The following TAB1 variants were observed in gnomAD, a reference collection of about 807,000 sequenced individuals.
TAB1 encodes the protein TGF-beta-activated kinase 1 and MAP3K7-binding protein 1.
TAB1 carries 30 observed loss-of-function variants against 54.5 expected under a neutral mutation model. That is an observed-to-expected ratio of 0.55 (90% confidence interval 0.41 to 0.75). The LOEUF (loss-of-function observed/expected upper bound fraction) is 0.75, where lower values mean the gene tolerates loss of function less well. TAB1 is among the 30% of genes least tolerant of loss of function. The pLI is 0.00. For missense variants in TAB1, 609 were observed against 683.2 expected, an observed-to-expected ratio of 0.89 and a Z score of 1.21; for synonymous variants, 289 against 286.9, an observed-to-expected ratio of 1.01 and a Z score of -0.07.
downstream of TAB1, chr22:39,433,639 GA>G (rs996040152): frequency 2.7e-5 from 27 of 985,408 alleles, no homozygotes; most frequent in African/African-American, 4.2e-4. Context: ...ATTCTCTCAT[GA>G]GCTGGGAGCT....
At chr22:39,428,210 C>T in intron 10 of TAB1, 27 bp downstream of exon 10, 1 of 1,511,020 alleles carries the variant, frequency 6.6e-7, no homozygotes. Flanking sequence ...CTGAGCCACC[C>T]CCAGCCCTGT....
chr22:39,412,989 A>G (rs1926672592), intron 1 of TAB1, among the ~76,000 whole-genome samples: 1 of 141,348 alleles, frequency 7.1e-6, no homozygotes. Flanking sequence ...ATCTCGGCTC[A>G]CTGCAAGCTC....
chr22:39,407,047 C>T (rs552274250), intron 1 of TAB1, among the ~76,000 whole-genome samples: 57 of 152,224 alleles, frequency 3.7e-4, no homozygotes, highest in African/African-American at 1.2e-3. Context: ...TCAAAACTTT[C>T]GACAGTCTGG....
chr22:39,402,597 G>C (rs904372339), intron 1 of TAB1, among the ~76,000 whole-genome samples: 11 of 152,180 alleles, frequency 7.2e-5, no homozygotes, highest in African/African-American at 2.7e-4. Flanking sequence ...CTGTCACCCA[G>C]ACTGGAGTGA....
chr22:39,436,773 G>A, downstream of TAB1: 3 of 588,536 alleles, frequency 5.1e-6, no homozygotes, highest in South Asian at 6.1e-5. Context: ...TCAGGACCCA[G>A]CTCACTCTCA....
At chr22:39,436,378 T>A (rs118126131), downstream of TAB1, 2,093 of 791,994 alleles carry the variant, frequency 2.6e-3, 67 homozygotes, top group East Asian at 0.047. Flanking sequence ...GGCAAAGAGT[T>A]GGTATCCGTG....
In TAB1 at chr22:39,426,722, A is replaced by G; in HGVS notation, c.941A>G (p.Asp314Gly). ...QANQEIAAMIDTEFAKQTSLD... is the reference protein window; with the variant it reads ...QANQEIAAMIGTEFAKQTSLD... ...CCCCAGGAGATTGCTGCGATGATTG[A>G]CACTGAGTTTGCCAAGCAGACCTCC... The change falls in exon 9 of 11, where the codon GAC becomes GGC. Residue 314 changes from aspartate to glycine, a missense_variant. By Grantham distance (94) the Asp-to-Gly change is moderately conservative (BLOSUM62 -1). Transcript: ENST00000216160. 6.2e-7 allele frequency: 1 copy of G among 1,606,344 alleles called. No homozygotes were observed. Among genetic ancestry groups the G allele is most frequent in the South Asian group, 1.1e-5 (1 of 90,878 alleles).
intron 5 of TAB1, among the ~76,000 whole-genome samples, chr22:39,418,385 A>G (rs771031751): frequency 2.6e-5 from 4 of 152,204 alleles, no homozygotes; most frequent in Non-Finnish European, 4.4e-5. Flanking sequence ...CCCCAATCCC[A>G]GCAGTTATCA....
At chr22:39,404,534 C>T (rs1003123885) in intron 1 of TAB1, among the ~76,000 whole-genome samples, 15 of 150,204 alleles carry the variant, frequency 1.0e-4, no homozygotes, top group Admixed American at 3.3e-4. Context: ...CCTCACTGCA[C>T]TCCAGGCTGG....
intron 1 of TAB1, among the ~76,000 whole-genome samples, chr22:39,406,892 C>T (rs1036949676): frequency 6.6e-6 from 1 of 152,198 alleles, no homozygotes; most frequent in African/African-American, 2.4e-5. Context: ...CTTGGCCTCC[C>T]AAAGTGCTGG....
intron 1 of TAB1, among the ~76,000 whole-genome samples, chr22:39,403,462 G>T (rs79766902): frequency 3.3e-5 from 5 of 152,158 alleles, no homozygotes; most frequent in Non-Finnish European, 5.9e-5. Flanking sequence ...CAGCTGGGTG[G>T]AGTGCCTTGG....
chr22:39,417,358 C>T (rs35214117), intron 4 of TAB1, among the ~76,000 whole-genome samples: 7 of 152,342 alleles, frequency 4.6e-5, no homozygotes, highest in Non-Finnish European at 8.8e-5. Flanking sequence ...TGGTGGCTCA[C>T]GCCTGTAATC....
chr22:39,435,011 G>A (rs1419133612), downstream of TAB1, among the ~76,000 whole-genome samples: 3 of 152,144 alleles, frequency 2.0e-5, no homozygotes, highest in Non-Finnish European at 2.9e-5. Context: ...GTAGCTCAGG[G>A]CCAGCCCCTG....
chr22:39,433,865 C>T, downstream of TAB1: 1 of 974,020 alleles, frequency 1.0e-6, no homozygotes, highest in Non-Finnish European at 1.2e-6. Flanking sequence ...GGAAAGAGCC[C>T]TTCCCTGGCC....
chr22:39,399,916 C>G (rs772252321), intron 1 of TAB1, 81 bp downstream of exon 1: 1 of 1,475,668 alleles, frequency 6.8e-7, no homozygotes, highest in East Asian at 2.5e-5. Flanking sequence ...GGCTCCTTCT[C>G]CGAGTTTGGA....
intron 10 of TAB1, among the ~76,000 whole-genome samples, chr22:39,428,824 A>G (rs1927462629): frequency 6.6e-6 from 1 of 152,260 alleles, no homozygotes; most frequent in Non-Finnish European, 1.5e-5. Flanking sequence ...GATGTGGCCA[A>G]TTAGAAAGGC....
rs765405513 is a variant in TAB1 at position 39,428,189 on chromosome 22, T to G, written c.1307+6T>G. On this transcript the variant is annotated splice_donor_region_variant and intron_variant, in intron 10 of 10. Coordinates refer to ENST00000216160, the MANE Select transcript of TAB1 (RefSeq NM_006116.3). The stretch of plus-strand genomic sequence containing the variant: ...GCCACCCCCACCCTCACCAAGTAAG[T>G]CCCTTCCCCACTGAGCCACCCCCAG... The G allele has an allele frequency of 2.5e-6, 4 of 1,588,670 alleles. No individual in the cohort carries two copies. The highest frequency in any genetic ancestry group is 3.4e-6 in the Non-Finnish European group (4 of 1,162,602).
rs759891196 is a variant in TAB1 at position 39,415,623 on chromosome 22, C to T, written c.294C>T (p.Ala98=). The T allele has an allele frequency of 5.0e-6, 8 of 1,612,652 alleles. No individual in the cohort carries two copies. In the African/African-American group the frequency reaches 5.3e-5, roughly 11 times the overall value. ...LLLGQLNAEH[A]EADVRRVLLQ... The stretch of plus-strand genomic sequence containing the variant: ...TGGGCCAGCTGAATGCCGAGCACGC[C>T]GAGGCCGATGTGCGGCGTGTGCTGC... The change falls in exon 3 of 11, where the codon GCC becomes GCT. Residue 98 remains alanine, a synonymous_variant. Coordinates refer to ENST00000216160, the MANE Select transcript of TAB1 (RefSeq NM_006116.3). This position sits in a 1 kb window ranked among gnomAD's most constrained non-coding sequence, Gnocchi z 4.9.
chr22:39,430,956 T>C lies in TAB1; in HGVS notation c.*734T>C, dbSNP rs1927563843. ...GAGGTGAGGACTGGCCCCGGTGGGC[T>C]GAGGCAGGGGCCGCTGTCGTCAGGC... On this transcript the variant is annotated 3_prime_UTR_variant, in exon 11 of 11. Coordinates refer to ENST00000216160, the MANE Select transcript of TAB1 (RefSeq NM_006116.3). 1 of 986,060 alleles carries C rather than the reference T, an allele frequency of 1.0e-6. No homozygotes were observed. Among genetic ancestry groups the C allele is most frequent in the African/African-American group, 1.7e-5 (1 of 57,370 alleles). 61.1% of individuals were successfully genotyped at this position (986,060 alleles called of 1,614,324 possible).
Sources: gnomAD v4.1 joint callset for allele counts (sites outside exome capture counted in the v4.1 genomes callset) on GRCh38, gnomAD v4.1.1 for gene constraint, Gnocchi (gnomAD v3.1) non-coding constraint, MANE v1.5 for transcripts, NCBI Gene and HGNC (gene_info 2026-07-23, HGNC 2026-07-21) for gene names.